Variants in BICDL1 observed in about 807,000 individuals in gnomAD.
BICDL1 encodes BICD family-like cargo adapter 1.
Under a neutral mutation model 76.8 loss-of-function variants are expected in BICDL1, and 20 were observed. The observed-to-expected ratio is 0.26, with a 90% CI of 0.18 to 0.38. The LOEUF (loss-of-function observed/expected upper bound fraction) is 0.38, where lower values mean the gene tolerates loss of function less well. Among genes scored for constraint, BICDL1 ranks in the 10% least tolerant of loss-of-function variants. The pLI is 1.00. For synonymous variants in BICDL1, 383 were observed against 337.1 expected (o/e 1.14, Z -1.49); for missense variants, 700 against 798.6 (o/e 0.88, Z 1.49).
chr12:119,995,371 A>G (rs773286696), intron 1 of BICDL1, among the ~76,000 whole-genome samples: 4 of 152,234 alleles, frequency 2.6e-5, no homozygotes, highest in African/African-American at 7.2e-5. Context: ...CTCATGTCCA[A>G]AGAAATACAA....
At position 120,071,960 on chromosome 12, in the gene BICDL1, TG is replaced by T. The variant is rs1387445235; in HGVS notation, c.1089+161del. 6.6e-6 allele frequency among the ~76,000 whole-genome samples: 1 copy of T among 152,248 alleles called. No homozygotes were observed. Among genetic ancestry groups the T allele is most frequent in the African/African-American group, 2.4e-5 (1 of 41,460 alleles). On this transcript the variant is annotated intron_variant, in intron 5 of 9. Coordinates refer to ENST00000548673, the MANE Select transcript of BICDL1 (RefSeq NM_001367886.1). The surrounding 1 kb of genome is among the most constrained non-coding windows in gnomAD (Gnocchi z 4.8). ...TAGAGTGTCATGAAGCAGGCCCTGA[TG>T]GAGCATGTCCCTGGCCCTCCATTTT...
At position 120,089,272 on chromosome 12, in the gene BICDL1, G is replaced by A. The variant is rs1034245743; in HGVS notation, c.1584-679G>A. ...TATTTTAGTATTGTCCTTTTTCAAC[G>A]TGTGTGTGTGTGTGTGTATGTGTGT... On this transcript the variant is annotated intron_variant, in intron 8 of 9. Coordinates refer to ENST00000548673, the MANE Select transcript of BICDL1 (RefSeq NM_001367886.1). Among the ~76,000 whole-genome samples, 13 of 112,990 alleles carry A rather than the reference G, an allele frequency of 1.2e-4. 1 individual carries two copies. The East Asian group carries it at 2.6e-3, about 23-fold the overall frequency. 74.1% of individuals were successfully genotyped at this position (112,990 alleles called of 152,430 possible). A position where few individuals can be genotyped will look rare whatever the true frequency, so the allele number is the denominator to read the frequency against.
chr12:120,018,814 GGC>G (rs1245847536), intron 2 of BICDL1: 1 of 152,216 alleles, frequency 6.6e-6, no homozygotes, highest in Non-Finnish European at 1.5e-5. Context: ...GGGAGGCTGA[GGC>G]GGGTGGATCA....
chr12:120,083,794 T>G (rs1874184498), intron 8 of BICDL1, among the ~76,000 whole-genome samples: 1 of 151,510 alleles, frequency 6.6e-6, no homozygotes, highest in African/African-American at 2.4e-5. Context: ...TAGCTGGAAT[T>G]ACAGGCATGC....
chr12:120,024,149 T>A (rs1297475525), intron 2 of BICDL1, among the ~76,000 whole-genome samples: 2 of 151,682 alleles, frequency 1.3e-5, no homozygotes, highest in African/African-American at 4.8e-5. Context: ...GGCATGGTGG[T>A]GCACGCTTGT....
intron 9 of BICDL1, chr12:120,090,778 G>A: frequency 1.3e-6 from 1 of 748,790 alleles, no homozygotes; most frequent in Non-Finnish European, 2.0e-6. Context: ...TCCTCCCAGG[G>A]CCCCATGGGG....
intron 1 of BICDL1, chr12:119,992,738 G>C (rs1487681345): frequency 6.6e-6 from 1 of 151,962 alleles, no homozygotes; most frequent in Non-Finnish European, 1.5e-5. Flanking sequence ...ACTTTAAGAC[G>C]CATTTATTCA....
At chr12:120,077,529 C>T (rs1401151770) in intron 7 of BICDL1, among the ~76,000 whole-genome samples, 1 of 152,146 alleles carries the variant, frequency 6.6e-6, no homozygotes, top group Non-Finnish European at 1.5e-5. Context: ...TGGCAGGAGG[C>T]TCAGTTAGAA....
intron 2 of BICDL1, among the ~76,000 whole-genome samples, chr12:120,028,561 A>C (rs1952356317): frequency 6.6e-6 from 1 of 152,122 alleles, no homozygotes; most frequent in Non-Finnish European, 1.5e-5. Context: ...CTGTAATCCT[A>C]GCCACTCTGG....
chr12:119,995,063 C>T (rs1951611494), intron 1 of BICDL1, among the ~76,000 whole-genome samples: 4 of 152,158 alleles, frequency 2.6e-5, no homozygotes, highest in Admixed American at 2.6e-4. Flanking sequence ...TTAGCTGTGA[C>T]TGGCAGTTTC....
chr12:120,044,722 T>G lies in BICDL1; in HGVS notation c.646-16988T>G, dbSNP rs532927630. Among the ~76,000 whole-genome samples, 463 of 152,232 alleles carry G rather than the reference T, an allele frequency of 3.0e-3. 2 individuals are homozygous for G. The highest frequency in any genetic ancestry group is 0.011 in the African/African-American group (451 of 41,528). ...GTCAAAGATCAGATAGTTGTAGATATGCGGCGTTATTTCTGAGGGCTCTGT... is the reference window on the plus strand; with the variant it reads ...GTCAAAGATCAGATAGTTGTAGATAGGCGGCGTTATTTCTGAGGGCTCTGT... On this transcript the variant is annotated intron_variant, in intron 2 of 9. Transcript: ENST00000548673.
intron 1 of BICDL1, 29 bp downstream of exon 1, chr12:119,990,326 G>A (rs1411266453): frequency 5.2e-6 from 8 of 1,547,560 alleles, no homozygotes; most frequent in Middle Eastern, 1.7e-4. Context: ...GGATGGGTGG[G>A]GAGCAGGGGC....
At position 119,990,246 on chromosome 12, in the gene BICDL1, C is replaced by T. The variant is rs1044300350; in HGVS notation, c.378C>T (p.Asp126=). Residue 126 remains aspartate (D), a synonymous_variant, in exon 1 of 10, where the codon GAC becomes GAT. Coordinates refer to ENST00000548673, the MANE Select transcript of BICDL1 (RefSeq NM_001367886.1). ...AGGCGCTGCTCGAGAGGAACCAGGA[C>T]ATGAGCCGGCAGTACGAGCAGATGC... ...LGKALLERNQ[D]MSRQYEQMHK... The T allele has an allele frequency of 5.7e-6, 9 of 1,577,492 alleles. No individual in the cohort carries two copies. The African/African-American group carries it at 8.1e-5, about 14-fold the overall frequency.
chr12:120,065,748 G>A (rs10849737), intron 4 of BICDL1, among the ~76,000 whole-genome samples: 2,447 of 152,300 alleles, frequency 0.016, 34 homozygotes, highest in Non-Finnish European at 0.024. Flanking sequence ...ATCTCTGCCC[G>A]AAGGCTAGGC....
intron 2 of BICDL1, among the ~76,000 whole-genome samples, chr12:120,017,316 G>A (rs748528718): frequency 3.9e-5 from 6 of 152,220 alleles, no homozygotes; most frequent in Non-Finnish European, 7.3e-5. Context: ...CAGTATAGAG[G>A]CAGTGCTCTT....
chr12:120,012,220 T>A (rs1434222547), intron 2 of BICDL1, among the ~76,000 whole-genome samples: 1 of 152,198 alleles, frequency 6.6e-6, no homozygotes, highest in Non-Finnish European at 1.5e-5. Context: ...TTATTTTCCA[T>A]TCCAGTCATG....
At chr12:120,062,618 A>G (rs1352612334) in intron 3 of BICDL1, among the ~76,000 whole-genome samples, 1 of 152,174 alleles carries the variant, frequency 6.6e-6, no homozygotes, top group Non-Finnish European at 1.5e-5. Context: ...AGAGAAACCC[A>G]GATAGCCTGT....
chr12:120,048,357 A>G (rs180835343), intron 2 of BICDL1, among the ~76,000 whole-genome samples: 2 of 152,178 alleles, frequency 1.3e-5, no homozygotes, highest in East Asian at 3.9e-4. Flanking sequence ...TGCTAAGCTT[A>G]AGTTTTGTTT....
At chr12:120,090,733 A>G (rs1874884106) in intron 9 of BICDL1, 2 of 406,982 alleles carry the variant, frequency 4.9e-6, no homozygotes, top group Admixed American at 6.7e-5. Flanking sequence ...TTTACAAGGT[A>G]AGCCCCCCGT....
Sources: allele counts gnomAD v4.1 joint callset (sites outside exome capture counted in the v4.1 genomes callset), GRCh38; gene constraint gnomAD v4.1.1; non-coding constraint Gnocchi (gnomAD v3.1); transcripts MANE v1.5; gene names NCBI Gene and HGNC (gene_info 2026-07-23, HGNC 2026-07-21).